The following DENND1B variants were observed in gnomAD, a reference collection of about 807,000 sequenced individuals.
DENND1B encodes DENN domain-containing protein 1B.
DENND1B carries 59 observed loss-of-function variants against 90.1 expected under a neutral mutation model. The ratio of observed to expected loss-of-function variants is 0.65; its 90% CI spans 0.53 to 0.81. DENND1B has a LOEUF of 0.81. Ranked by LOEUF, DENND1B falls within the 40% of genes least tolerant of loss-of-function variation. DENND1B has a pLI of 0.00. For missense variants in DENND1B, 862 were observed against 912.6 expected (o/e 0.94, Z 0.71); for synonymous variants, 337 against 324.6 (o/e 1.04, Z -0.41).
intron 2 of DENND1B, among the ~76,000 whole-genome samples, chr1:197,725,157 A>G (rs1334797936): frequency 6.6e-6 from 1 of 152,182 alleles, no homozygotes; most frequent in East Asian, 1.9e-4. Flanking sequence ...ACATGACTAG[A>G]CACATCACAA....
At chr1:197,738,158 C>A (rs1662889675) in intron 2 of DENND1B, among the ~76,000 whole-genome samples, 1 of 152,156 alleles carries the variant, frequency 6.6e-6, no homozygotes, top group Non-Finnish European at 1.5e-5. Context: ...TGCATGAGTA[C>A]CCTCTGTTAT....
rs116829238 is a variant in DENND1B at position 197,583,722 on chromosome 1, T to C, written c.1048-469A>G. On this transcript the variant is annotated intron_variant, in intron 14 of 22. Coordinates refer to ENST00000620048, the MANE Select transcript of DENND1B (RefSeq NM_001195215.2). ...TTTACAATCACCTTCTCTTCATGAT[T>C]GCAAAACAATTCAGGCTGGATACTT... is the stretch of plus-strand genomic sequence containing the variant. Among the ~76,000 whole-genome samples the C allele has an allele frequency of 4.0e-3, 602 of 152,312 alleles. 4 individuals carry two copies. The highest frequency in any genetic ancestry group is 0.014 in the African/African-American group (576 of 41,572).
intron 1 of DENND1B, among the ~76,000 whole-genome samples, chr1:197,773,948 T>TA (rs35193676): frequency 3.9e-5 from 6 of 151,988 alleles, no homozygotes; most frequent in Admixed American, 2.6e-4. Context: ...GCTCTGACTT[T>TA]AAAAAAAAGC....
At chr1:197,626,271 A>T (rs1299103080) in intron 10 of DENND1B, among the ~76,000 whole-genome samples, 3 of 152,128 alleles carry the variant, frequency 2.0e-5, no homozygotes, top group Non-Finnish European at 2.9e-5. Flanking sequence ...CATAGTTGGA[A>T]GTAAAGCTCT....
At chr1:197,778,189 G>C (rs1229836793), upstream of DENND1B, among the ~76,000 whole-genome samples, 4 of 152,078 alleles carry the variant, frequency 2.6e-5, no homozygotes, top group Non-Finnish European at 5.9e-5. Context: ...TTTTGCCTTA[G>C]ATTCTAAACA....
chr1:197,610,989 C>T (rs915543273), intron 12 of DENND1B, among the ~76,000 whole-genome samples: 19 of 150,574 alleles, frequency 1.3e-4, no homozygotes, highest in African/African-American at 4.4e-4. Context: ...CCTAAAGGGG[C>T]GTGACTCTTT....
chr1:197,668,502 C>A (rs1655167942), intron 5 of DENND1B, among the ~76,000 whole-genome samples: 1 of 151,314 alleles, frequency 6.6e-6, no homozygotes, highest in Middle Eastern at 3.2e-3. Context: ...TTTATTATTT[C>A]TTTAAATTGA....
chr1:197,681,045 A>G (rs1414252603), intron 3 of DENND1B, among the ~76,000 whole-genome samples: 3 of 152,176 alleles, frequency 2.0e-5, no homozygotes, highest in Non-Finnish European at 4.4e-5. Context: ...AAATTCATAT[A>G]TATTTAACAA....
intron 20 of DENND1B, among the ~76,000 whole-genome samples, chr1:197,535,843 G>A (rs1669837251): frequency 6.6e-6 from 1 of 152,096 alleles, no homozygotes; most frequent in Admixed American, 6.5e-5. Flanking sequence ...TTAAGGAACT[G>A]GATTCTAGAA....
chr1:197,716,147 T>C (rs1404144786), intron 2 of DENND1B, among the ~76,000 whole-genome samples: 5 of 151,846 alleles, frequency 3.3e-5, no homozygotes, highest in African/African-American at 1.2e-4. Flanking sequence ...TAAGGATACA[T>C]ATATATTTCA....
At chr1:197,705,214 T>C (rs12354257) in intron 3 of DENND1B, among the ~76,000 whole-genome samples, 38,572 of 152,030 alleles carry the variant, frequency 0.25, 5,423 homozygotes, top group Middle Eastern at 0.39. Flanking sequence ...TTGTCTCTTC[T>C]GTACAATTCA....
chr1:197,721,591 T>A (rs1452062246), intron 2 of DENND1B, among the ~76,000 whole-genome samples: 1 of 152,116 alleles, frequency 6.6e-6, no homozygotes, highest in East Asian at 1.9e-4. Context: ...GGGGAGAACA[T>A]TCTAGAGTGA....
At chr1:197,569,187 C>G (rs1356104382) in intron 15 of DENND1B, among the ~76,000 whole-genome samples, 1 of 152,058 alleles carries the variant, frequency 6.6e-6, no homozygotes, top group Non-Finnish European at 1.5e-5. Context: ...TTCAACATCA[C>G]TAATCATCAG....
At chr1:197,611,802 A>C in intron 12 of DENND1B, 129 bp downstream of exon 12, 2 of 690,608 alleles carry the variant, frequency 2.9e-6, no homozygotes, top group Non-Finnish European at 4.8e-6. Flanking sequence ...AAAAATGATA[A>C]GCATACTCTA....
chr1:197,641,385 A>T (rs1032635560), intron 10 of DENND1B, among the ~76,000 whole-genome samples: 1 of 152,176 alleles, frequency 6.6e-6, no homozygotes, highest in Non-Finnish European at 1.5e-5. Flanking sequence ...TAAAATATCA[A>T]ATGAGTCAAA....
chr1:197,674,224 G>A, intron 3 of DENND1B, 55 bp from the exon 4 acceptor site: 1 of 1,373,046 alleles, frequency 7.3e-7, no homozygotes, highest in Non-Finnish European at 1.0e-6. Context: ...TTTTTAAGAA[G>A]CAGTTAAAAC....
At chr1:197,574,353 A>C (rs1427195703) in intron 15 of DENND1B, among the ~76,000 whole-genome samples, 2 of 152,196 alleles carry the variant, frequency 1.3e-5, no homozygotes, top group Non-Finnish European at 2.9e-5. Flanking sequence ...TGCTACAAAG[A>C]GAATAAAATA....
chr1:197,529,203 G>GATATATAT (rs71131771), intron 20 of DENND1B, among the ~76,000 whole-genome samples: 22 of 117,324 alleles, frequency 1.9e-4, no homozygotes, highest in African/African-American at 7.0e-4. Flanking sequence ...AGTTAAGAGT[G>GATATATAT]ATATATATAT....
intron 14 of DENND1B, among the ~76,000 whole-genome samples, chr1:197,590,550 T>C (rs1426968919): frequency 6.6e-6 from 1 of 152,192 alleles, no homozygotes; most frequent in Non-Finnish European, 1.5e-5. Flanking sequence ...ACAATTTATT[T>C]GCCAATCATG....
Sources: gnomAD v4.1 joint callset for allele counts (sites outside exome capture counted in the v4.1 genomes callset) on GRCh38, gnomAD v4.1.1 for gene constraint, MANE v1.5 for transcripts, NCBI Gene and HGNC (gene_info 2026-07-23, HGNC 2026-07-21) for gene names.